Variants in SEL1L2 observed in about 807,000 individuals in gnomAD.
The protein encoded by SEL1L2 is SEL1L2 adaptor subunit of SYVN1 ubiquitin ligase.
A neutral mutation model predicts 98.8 loss-of-function variants in SEL1L2; 89 were observed. The ratio of observed to expected loss-of-function variants is 0.90; its 90% CI spans 0.76 to 1.07. SEL1L2 has a LOEUF of 1.07. Among genes scored for constraint, SEL1L2 ranks in the 50% least tolerant of loss-of-function variants. SEL1L2 has a pLI of 0.00. For missense variants in SEL1L2, 788 were observed against 812.0 expected, an observed-to-expected ratio of 0.97 and a Z score of 0.36; for synonymous variants, 262 against 278.5, an observed-to-expected ratio of 0.94 and a Z score of 0.59.
intron 3 of SEL1L2, chr20:13,928,385 C>T (rs893705349): frequency 6.6e-6 from 1 of 152,226 alleles, no homozygotes; most frequent in Non-Finnish European, 1.5e-5. Context: ...TAAGACATGA[C>T]CCCAGGCCCT....
At chr20:13,956,485 A>T (rs556925295) in intron 1 of SEL1L2, among the ~76,000 whole-genome samples, 1 of 152,266 alleles carries the variant, frequency 6.6e-6, no homozygotes, top group East Asian at 1.9e-4. Flanking sequence ...AATAAGTGCC[A>T]TCTATTAATA....
At chr20:13,990,141 A>G (rs2052469034) in intron 1 of SEL1L2, among the ~76,000 whole-genome samples, 1 of 152,220 alleles carries the variant, frequency 6.6e-6, no homozygotes, top group Admixed American at 6.5e-5. Context: ...TCTTGGAACT[A>G]GACCTTTATG....
intron 2 of SEL1L2, among the ~76,000 whole-genome samples, chr20:13,949,461 A>G (rs779225963): frequency 1.5e-4 from 23 of 152,254 alleles, no homozygotes; most frequent in Non-Finnish European, 4.4e-5. Flanking sequence ...TCAGGAGATC[A>G]AGACCGTCCT....
intron 1 of SEL1L2, among the ~76,000 whole-genome samples, chr20:13,966,897 T>TA: frequency 6.7e-6 from 1 of 148,982 alleles, no homozygotes; most frequent in African/African-American, 2.5e-5. Flanking sequence ...TTTTTTTTTT[T>TA]TTGAGATGGA....
rs749408646 is a variant in SEL1L2, at chr20:13,870,236, C to A, written c.1105-33G>T. On this transcript the variant is annotated intron_variant, in intron 12 of 19. Transcript: ENST00000284951. The stretch of plus-strand genomic sequence containing the variant: ...AGTTTTATAAAGCCAAGTAAAGTCC[C>A]AGAAGAATTCATGATAAGGAAAATT... 48 of 1,527,650 alleles carry A rather than the reference C, an allele frequency of 3.1e-5. No homozygotes were observed. The Admixed American group carries it at 7.3e-4, about 23-fold the overall frequency. 94.6% of individuals were successfully genotyped at this position (1,527,650 alleles called of 1,614,324 possible).
intron 14 of SEL1L2, among the ~76,000 whole-genome samples, chr20:13,868,241 C>T (rs1047022378): frequency 1.3e-5 from 2 of 152,038 alleles, no homozygotes; most frequent in Non-Finnish European, 2.9e-5. Flanking sequence ...CCTTTCCACC[C>T]TCTCTCCAGT....
intron 5 of SEL1L2, 121 bp from the exon 6 acceptor site, chr20:13,888,633 C>CTATTTT: frequency 4.3e-6 from 1 of 232,096 alleles, no homozygotes; most frequent in Non-Finnish European, 7.3e-6. Flanking sequence ...TTCTTTCTTT[C>CTATTTT]TCTTTTTTTT....
intron 2 of SEL1L2, among the ~76,000 whole-genome samples, chr20:13,954,266 T>C (rs2050413459): frequency 1.3e-5 from 2 of 152,142 alleles, no homozygotes; most frequent in South Asian, 4.1e-4. Context: ...GGGGTAGAGA[T>C]GGAGAGAGGG....
At chr20:13,976,453 C>A (rs964829122) in intron 1 of SEL1L2, among the ~76,000 whole-genome samples, 1 of 152,052 alleles carries the variant, frequency 6.6e-6, no homozygotes, top group African/African-American at 2.4e-5. Flanking sequence ...GTTGACAGAT[C>A]GTCTGAAGAA....
At chr20:13,987,854 G>A (rs574798964) in intron 1 of SEL1L2, among the ~76,000 whole-genome samples, 1 of 152,114 alleles carries the variant, frequency 6.6e-6, no homozygotes, top group African/African-American at 2.4e-5. Flanking sequence ...GAGTTGTAAG[G>A]TTCTTTGTAT....
intron 4 of SEL1L2, among the ~76,000 whole-genome samples, 171 bp from the exon 5 acceptor site, chr20:13,914,115 T>A (rs2048310171): frequency 1.3e-5 from 2 of 152,146 alleles, no homozygotes; most frequent in Non-Finnish European, 2.9e-5. Flanking sequence ...CCTAAAGCAG[T>A]CTAAGGCTAT....
intron 3 of SEL1L2, among the ~76,000 whole-genome samples, chr20:13,924,651 T>C (rs35243733): frequency 0.19 from 28,128 of 152,000 alleles, 2,696 homozygotes; most frequent in Non-Finnish European, 0.21. Flanking sequence ...TCTCTAATCC[T>C]TGGACTTAAG....
chr20:13,917,666 G>A (rs1568965060), intron 4 of SEL1L2, among the ~76,000 whole-genome samples: 1 of 151,904 alleles, frequency 6.6e-6, no homozygotes, highest in Non-Finnish European at 1.5e-5. Context: ...TGCCCTGTCT[G>A]GTGCTAGCTA....
At chr20:13,988,651 T>C (rs1293425348) in intron 1 of SEL1L2, among the ~76,000 whole-genome samples, 1 of 152,234 alleles carries the variant, frequency 6.6e-6, no homozygotes, top group African/African-American at 2.4e-5. Flanking sequence ...GGAACATTTT[T>C]TTCCATATGA....
At position 13,849,340 on chromosome 20, in the gene SEL1L2, G is replaced by T; in HGVS notation, c.*145C>A. Reference sequence around the variant, plus strand: ...AAGTCTGAAGTTGTTTCTCTAGGATGGTCCCCAAGTCTTGTCTGTTTCCCA... The same window carrying T: ...AAGTCTGAAGTTGTTTCTCTAGGATTGTCCCCAAGTCTTGTCTGTTTCCCA... On this transcript the variant is annotated 3_prime_UTR_variant, in exon 20 of 20. Transcript: ENST00000284951. 9.8e-7 allele frequency: 1 copy of T among 1,022,970 alleles called. No individual in the cohort carries two copies. The highest frequency in any genetic ancestry group is 1.6e-5 in the African/African-American group (1 of 62,802). 63.4% of individuals were successfully genotyped at this position (1,022,970 alleles called of 1,614,324 possible). A position where few individuals can be genotyped will look rare whatever the true frequency, so the allele number is the denominator to read the frequency against.
At chr20:13,929,176 A>G (rs1004580281) in intron 3 of SEL1L2, among the ~76,000 whole-genome samples, 7 of 152,078 alleles carry the variant, frequency 4.6e-5, no homozygotes, top group African/African-American at 1.7e-4. Flanking sequence ...TGCTCTTTAG[A>G]TATGGGACTT....
rs771309771 is a variant in SEL1L2, at chr20:13,887,754, A to G, written c.745+15T>C. On this transcript the variant is annotated intron_variant, in intron 8 of 19. Coordinates refer to ENST00000284951, the MANE Select transcript of SEL1L2 (RefSeq NM_025229.2). ...GCAACTGTTTATTTTAAAATAAATT[A>G]TGTGGATTACTTACTATAATCTGCC... The G allele has an allele frequency of 2.3e-5, 35 of 1,505,286 alleles. No individual in the cohort carries two copies. The South Asian group carries it at 3.9e-4, about 17-fold the overall frequency. The allele number at this position is 1,505,286 out of a possible 1,614,324, so 93.2% of individuals were successfully genotyped here. A position where few individuals can be genotyped will look rare whatever the true frequency, so the allele number is the denominator to read the frequency against.
At chr20:13,873,902 C>T (rs1374262134) in intron 12 of SEL1L2, among the ~76,000 whole-genome samples, 1 of 152,032 alleles carries the variant, frequency 6.6e-6, no homozygotes, top group Non-Finnish European at 1.5e-5. Context: ...GGCCTTTGGA[C>T]AGGAGGGGAG....
chr20:13,953,231 T>A (rs1015476456), intron 2 of SEL1L2, among the ~76,000 whole-genome samples: 11 of 152,216 alleles, frequency 7.2e-5, no homozygotes, highest in African/African-American at 2.7e-4. Flanking sequence ...GGATTTTTGA[T>A]GTGTCCTTAC....
Sources: gnomAD v4.1 joint callset for allele counts (sites outside exome capture counted in the v4.1 genomes callset) on GRCh38, gnomAD v4.1.1 for gene constraint, MANE v1.5 for transcripts, NCBI Gene and HGNC (gene_info 2026-07-23, HGNC 2026-07-21) for gene names.